ABCG2: variants seen among roughly 807,000 people sequenced by gnomAD.
ABCG2 encodes the protein ATP binding cassette subfamily G member 2 (JR blood group).
In ABCG2, 80 loss-of-function variants were observed where a neutral mutation model predicts 73.5. The ratio of observed to expected loss-of-function variants is 1.09; its 90% CI spans 0.91 to 1.31. ABCG2 has a LOEUF of 1.31. ABCG2 is among the 50% of genes most tolerant of loss of function. The probability of loss-of-function intolerance (pLI) is 0.00; values close to 1 mark genes in which losing one functional copy is unlikely to be tolerated. For missense variants in ABCG2, 796 were observed against 786.2 expected (o/e 1.01, Z -0.15); for synonymous variants, 269 against 282.4 (o/e 0.95, Z 0.48).
intron 1 of ABCG2, among the ~76,000 whole-genome samples, chr4:88,169,392 C>G (rs1029351526): frequency 6.6e-6 from 1 of 152,182 alleles, no homozygotes; most frequent in East Asian, 1.9e-4. Flanking sequence ...TGAATATTAT[C>G]GGCATGAAAT....
At chr4:88,199,351 G>A (rs867974810) in intron 1 of ABCG2, among the ~76,000 whole-genome samples, 37 of 152,076 alleles carry the variant, frequency 2.4e-4, no homozygotes, top group African/African-American at 8.0e-4. Context: ...CAGGAAACTC[G>A]AAGAATACCA....
At chr4:88,201,334 C>T (rs182642887) in intron 1 of ABCG2, among the ~76,000 whole-genome samples, 116 of 151,984 alleles carry the variant, frequency 7.6e-4, no homozygotes, top group Non-Finnish European at 1.3e-3. Flanking sequence ...ACTTAAAGAC[C>T]CCACAGACAT....
intron 1 of ABCG2, among the ~76,000 whole-genome samples, chr4:88,167,712 A>T (rs1368094903): frequency 6.6e-6 from 1 of 152,158 alleles, no homozygotes; most frequent in African/African-American, 2.4e-5. Context: ...TGATTAAATC[A>T]GGCCCACCTT....
chr4:88,153,197 G>A (rs1284246735), intron 1 of ABCG2, among the ~76,000 whole-genome samples: 4 of 134,936 alleles, frequency 3.0e-5, no homozygotes, highest in African/African-American at 8.5e-5. Context: ...GTGGCTTGGA[G>A]AAACAGTGTA....
intron 1 of ABCG2, among the ~76,000 whole-genome samples, chr4:88,207,146 C>T (rs896043981): frequency 6.6e-6 from 1 of 152,088 alleles, no homozygotes; most frequent in Non-Finnish European, 1.5e-5. Context: ...TTACTTGAGA[C>T]CCCTGCCACA....
chr4:88,114,185 GAGAAAAAGAA>G (rs748794968), intron 8 of ABCG2, among the ~76,000 whole-genome samples: 22 of 152,000 alleles, frequency 1.4e-4, no homozygotes, highest in Non-Finnish European at 2.4e-4. Context: ...TATTTAAAAA[GAGAAAAAGAA>G]AGAAAAAGAA....
At chr4:88,101,853 G>C (rs1262070108) in intron 10 of ABCG2, among the ~76,000 whole-genome samples, 1 of 152,206 alleles carries the variant, frequency 6.6e-6, no homozygotes, top group Non-Finnish European at 1.5e-5. Flanking sequence ...ATACATTTCT[G>C]TTGTTTAAGC....
At chr4:88,098,425 C>T (rs1468292076) in intron 12 of ABCG2, among the ~76,000 whole-genome samples, 2 of 151,768 alleles carry the variant, frequency 1.3e-5, no homozygotes, top group Admixed American at 6.6e-5. Context: ...TGAGTCTCCA[C>T]ATCTACCAAA....
At chr4:88,220,431 T>C (rs961622286) in intron 1 of ABCG2, 2 of 152,248 alleles carry the variant, frequency 1.3e-5, no homozygotes, top group Non-Finnish European at 2.9e-5. Context: ...CCACCAACAG[T>C]GCACAAGAGT....
intron 10 of ABCG2, among the ~76,000 whole-genome samples, chr4:88,104,653 G>A (rs1722655952): frequency 1.7e-5 from 1 of 57,706 alleles, no homozygotes; most frequent in Non-Finnish European, 7.0e-5. Flanking sequence ...ATGTACCCTA[G>A]AGCTTTGGGG....
At chr4:88,146,806 G>C (rs1726035454) in intron 1 of ABCG2, among the ~76,000 whole-genome samples, 1 of 151,752 alleles carries the variant, frequency 6.6e-6, no homozygotes, top group Non-Finnish European at 1.5e-5. Flanking sequence ...ATGAGACGGA[G>C]GCTGCAGTGA....
upstream of ABCG2, among the ~76,000 whole-genome samples, chr4:88,161,421 G>A (rs2110086507): frequency 2.1e-5 from 1 of 46,828 alleles, no homozygotes; most frequent in Non-Finnish European, 4.2e-5. Flanking sequence ...AATATGCGGT[G>A]TTTGGTTTTT....
At chr4:88,117,559 C>T (rs1723668789) in intron 7 of ABCG2, among the ~76,000 whole-genome samples, 1 of 152,072 alleles carries the variant, frequency 6.6e-6, no homozygotes, top group African/African-American at 2.4e-5. Flanking sequence ...ATGGTGTGAA[C>T]CCGAGAGGCA....
chr4:88,229,678 T>G (rs970424314), intron 1 of ABCG2, among the ~76,000 whole-genome samples: 1 of 152,154 alleles, frequency 6.6e-6, no homozygotes, highest in African/African-American at 2.4e-5. Context: ...TTCTCCCCAC[T>G]TTTTTCCCAT....
At chr4:88,151,088 A>G (rs754509078) in intron 1 of ABCG2, among the ~76,000 whole-genome samples, 10 of 152,218 alleles carry the variant, frequency 6.6e-5, no homozygotes, top group South Asian at 4.1e-4. Flanking sequence ...AGAAGCCCCT[A>G]TGAATTTAAA....
At chr4:88,098,284 C>A (rs779475245) in intron 12 of ABCG2, among the ~76,000 whole-genome samples, 1 of 152,042 alleles carries the variant, frequency 6.6e-6, no homozygotes, top group African/African-American at 2.4e-5. Flanking sequence ...TAAACTCAAT[C>A]GGTAGTTCTT....
intron 1 of ABCG2, among the ~76,000 whole-genome samples, chr4:88,204,685 T>C (rs1729314001): frequency 6.6e-6 from 1 of 152,200 alleles, no homozygotes; most frequent in Non-Finnish European, 1.5e-5. Context: ...CAAGAAAGCT[T>C]CATTTTATTT....
intron 13 of ABCG2, among the ~76,000 whole-genome samples, chr4:88,097,012 G>A (rs575042250): frequency 1.5e-4 from 23 of 152,142 alleles, no homozygotes; most frequent in African/African-American, 5.5e-4. Context: ...GTTCAATGCT[G>A]TATGTGGGAA....
At chr4:88,225,420 A>AT (rs796536368) in intron 1 of ABCG2, among the ~76,000 whole-genome samples, 10 of 152,342 alleles carry the variant, frequency 6.6e-5, no homozygotes, top group African/African-American at 2.4e-4. Context: ...AGGCAATGTG[A>AT]TAAGAACAAT....
Sources: allele counts gnomAD v4.1 joint callset (sites outside exome capture counted in the v4.1 genomes callset), GRCh38; gene constraint gnomAD v4.1.1; transcripts MANE v1.5; gene names NCBI Gene and HGNC (gene_info 2026-07-23, HGNC 2026-07-21).